Variants in TLE4 observed in about 807,000 individuals in gnomAD.
The protein encoded by TLE4 is TLE family member 4, transcriptional corepressor.
In TLE4, 8 loss-of-function variants were observed where a neutral mutation model predicts 92.8. The ratio of observed to expected loss-of-function variants is 0.09; its 90% CI spans 0.05 to 0.16. The LOEUF (loss-of-function observed/expected upper bound fraction) is 0.16, where lower values mean the gene tolerates loss of function less well. TLE4 is among the 10% of genes least tolerant of loss of function. The pLI, the probability that TLE4 is intolerant of heterozygous loss-of-function variation, is 1.00. For missense variants in TLE4, 675 were observed against 997.6 expected, an observed-to-expected ratio of 0.68 and a Z score of 4.36; for synonymous variants, 371 against 374.1, an observed-to-expected ratio of 0.99 and a Z score of 0.10.
At chr9:79,692,119 C>G (rs945190485) in intron 8 of TLE4, among the ~76,000 whole-genome samples, 3 of 152,124 alleles carry the variant, frequency 2.0e-5, no homozygotes, top group African/African-American at 7.2e-5. Context: ...CTTTAGAGCA[C>G]TTTAGAATTA....
chr9:79,665,762 C>T (rs763138346), intron 8 of TLE4, among the ~76,000 whole-genome samples: 2 of 152,222 alleles, frequency 1.3e-5, no homozygotes, highest in Non-Finnish European at 2.9e-5. Context: ...AATACCCTCA[C>T]TTGCTTTTCA....
At chr9:79,687,450 T>C (rs2066122788) in intron 8 of TLE4, among the ~76,000 whole-genome samples, 2 of 152,230 alleles carry the variant, frequency 1.3e-5, no homozygotes, top group Non-Finnish European at 2.9e-5. Flanking sequence ...CTCTAATCTT[T>C]TCAGAAAACA....
intron 14 of TLE4, among the ~76,000 whole-genome samples, chr9:79,712,654 G>T (rs1189223305): frequency 6.6e-6 from 1 of 152,148 alleles, no homozygotes; most frequent in Non-Finnish European, 1.5e-5. Flanking sequence ...TAATAAAATG[G>T]TGTTTATTGT....
At chr9:79,609,501 G>A (rs552056107) in intron 4 of TLE4, among the ~76,000 whole-genome samples, 10 of 152,112 alleles carry the variant, frequency 6.6e-5, no homozygotes, top group Admixed American at 1.3e-4. Flanking sequence ...TTGAGGGTAG[G>A]AAAATACATC....
intron 6 of TLE4, chr9:79,649,692 G>T: frequency 1.6e-6 from 1 of 632,760 alleles, no homozygotes; most frequent in Non-Finnish European, 2.4e-6. Flanking sequence ...ACTGTTCTGA[G>T]ATAGAATAAA....
In TLE4 at chr9:79,661,445, G is replaced by T. The variant is rs144201893; in HGVS notation, c.609+7370G>T. ...CGTAGGACCCACCACTTTAATAAGGGCTGTAATTTTGGACTTAGAGAGTCA... is the reference window on the plus strand; with the variant it reads ...CGTAGGACCCACCACTTTAATAAGGTCTGTAATTTTGGACTTAGAGAGTCA... On this transcript the variant is annotated intron_variant, in intron 8 of 19. Coordinates refer to ENST00000376552, the MANE Select transcript of TLE4 (RefSeq NM_007005.6). Among the ~76,000 whole-genome samples, 659 of 152,268 alleles carry T rather than the reference G, an allele frequency of 4.3e-3. 3 individuals carry two copies. The highest frequency in any genetic ancestry group is 0.014 in the African/African-American group (595 of 41,552).
At chr9:79,697,355 A>T (rs1285116665) in intron 8 of TLE4, among the ~76,000 whole-genome samples, 1 of 152,058 alleles carries the variant, frequency 6.6e-6, no homozygotes, top group Admixed American at 6.6e-5. Flanking sequence ...CAGGAGAGGG[A>T]TTACTTGATT....
chr9:79,688,420 C>T (rs903041797), intron 8 of TLE4, among the ~76,000 whole-genome samples: 3 of 152,068 alleles, frequency 2.0e-5, no homozygotes, highest in Non-Finnish European at 4.4e-5. Flanking sequence ...CGTTCTTGGG[C>T]ACTTAATTAT....
At chr9:79,575,618 T>C (rs1010234829) in intron 3 of TLE4, among the ~76,000 whole-genome samples, 3 of 152,212 alleles carry the variant, frequency 2.0e-5, no homozygotes, top group Non-Finnish European at 4.4e-5. Flanking sequence ...TTTATGATTG[T>C]CCAAGAAAGC....
Position 79,708,360 on chromosome 9 carries a change from G to T in TLE4, c.1069+110G>T. On this transcript the variant is annotated intron_variant, in intron 12 of 19. Transcript: ENST00000376552. ...TGCTAATGACCAGCATTGAATGGCT[G>T]TTAGACAAAGTTACTTAACCTGAAC... 3.1e-6 allele frequency: 4 copies of T among 1,309,008 alleles called. No homozygotes were observed. The South Asian group carries it at 5.5e-5, about 18-fold the overall frequency. The allele number at this position is 1,309,008 out of a possible 1,614,324, so 81.1% of individuals were successfully genotyped here.
intron 8 of TLE4, among the ~76,000 whole-genome samples, chr9:79,662,433 TTC>T (rs2060665445): frequency 6.6e-6 from 1 of 152,206 alleles, no homozygotes; most frequent in African/African-American, 2.4e-5. Context: ...ATTTTAATTA[TTC>T]TAGAGAATTT....
chr9:79,613,057 G>T (rs1190242459), intron 5 of TLE4, among the ~76,000 whole-genome samples: 2 of 152,222 alleles, frequency 1.3e-5, no homozygotes, highest in South Asian at 2.1e-4. Flanking sequence ...AGGAAAACAG[G>T]AGCTTACTCT....
intron 8 of TLE4, among the ~76,000 whole-genome samples, chr9:79,685,967 G>A (rs1352904210): frequency 1.3e-5 from 2 of 151,918 alleles, no homozygotes; most frequent in Non-Finnish European, 2.9e-5. Flanking sequence ...CAGATTGAAA[G>A]TATTTGGAAA....
chr9:79,707,285 T>C, intron 11 of TLE4: 5 of 1,292,786 alleles, frequency 3.9e-6, no homozygotes, highest in Non-Finnish European at 5.6e-6. Context: ...AAGCTACATA[T>C]GACGGCAATA....
intron 5 of TLE4, among the ~76,000 whole-genome samples, chr9:79,623,888 T>G (rs368171428): frequency 5.2e-4 from 79 of 152,254 alleles, no homozygotes; most frequent in Admixed American, 2.0e-3. Context: ...AACAGGACAC[T>G]TGTATCTGAG....
At chr9:79,695,487 C>CATAA (rs2068034367) in intron 8 of TLE4, among the ~76,000 whole-genome samples, 1 of 152,030 alleles carries the variant, frequency 6.6e-6, no homozygotes, top group Non-Finnish European at 1.5e-5. Context: ...ATATAATGAA[C>CATAA]ATAATATGGT....
chr9:79,679,068 G>A (rs911393511), intron 8 of TLE4, among the ~76,000 whole-genome samples: 12 of 151,706 alleles, frequency 7.9e-5, no homozygotes, highest in African/African-American at 1.4e-4. Context: ...TGTGAATAGT[G>A]CCGCAGTAAA....
chr9:79,645,696 G>T (rs1316900376), intron 6 of TLE4, among the ~76,000 whole-genome samples: 1 of 152,110 alleles, frequency 6.6e-6, no homozygotes, highest in African/African-American at 2.4e-5. Flanking sequence ...TCATGGCTGT[G>T]TATTTTCAGA....
rs1360729671 is a variant in TLE4 at position 79,708,765 on chromosome 9, T to A, written c.1242T>A (p.Ala414=). The stretch of plus-strand genomic sequence containing the variant: ...CTGCTGCCGCCGCCGCTGCTGCTGC[T>A]GCCTATGGGAGATCACCAGTGGTGC... ...SAAAAAAAAA[A]AYGRSPVVGF... is the part of the protein sequence containing the mutation. The change falls in exon 13 of 20, where the codon GCT becomes GCA. Residue 414 remains alanine (A), a synonymous_variant. Transcript: ENST00000376552. 3 of 1,606,812 alleles carry A rather than the reference T, an allele frequency of 1.9e-6. No individual in the cohort carries two copies. Among genetic ancestry groups the A allele is most frequent in the Non-Finnish European group, 1.7e-6 (2 of 1,179,864 alleles).
Sources: allele counts gnomAD v4.1 joint callset (sites outside exome capture counted in the v4.1 genomes callset), GRCh38; gene constraint gnomAD v4.1.1; transcripts MANE v1.5; gene names NCBI Gene and HGNC (gene_info 2026-07-23, HGNC 2026-07-21).